VCAN: variants seen among roughly 807,000 people sequenced by gnomAD.
VCAN encodes versican, also known as versican core protein.
A neutral mutation model predicts 245.5 loss-of-function variants in VCAN; 44 were observed. The observed-to-expected ratio is 0.18, with a 90% CI of 0.14 to 0.23. The LOEUF is 0.23. VCAN is among the 10% of genes least tolerant of loss of function. The pLI is 1.00. For synonymous variants in VCAN, 1,413 were observed against 1,437.0 expected (o/e 0.98, Z 0.38); for missense variants, 3,793 against 4,057.9 (o/e 0.93, Z 1.77).
intron 9 of VCAN, among the ~76,000 whole-genome samples, chr5:83,547,279 TA>T (rs1747263650): frequency 6.6e-6 from 1 of 152,206 alleles, no homozygotes; most frequent in African/African-American, 2.4e-5. Context: ...AGAGGGCTGG[TA>T]AAACAGATTG....
At chr5:83,501,477 A>G (rs775131285) in intron 5 of VCAN, among the ~76,000 whole-genome samples, 1 of 152,160 alleles carries the variant, frequency 6.6e-6, no homozygotes, top group Non-Finnish European at 1.5e-5. Flanking sequence ...TAGCTTTTGT[A>G]TATGGTGTGA....
chr5:83,580,341 C>T lies in VCAN; in HGVS notation c.10098C>T (p.Tyr3366=). 1.2e-6 allele frequency: 2 copies of T among 1,613,900 alleles called. No homozygotes were observed. Among genetic ancestry groups the T allele is most frequent in the Non-Finnish European group, 1.7e-6 (2 of 1,179,946 alleles). ...ACCAAAGGACTTATTCTATGAAATACTTTAAAAATTCCTCATCAGCAAAGG... is the reference window on the plus strand; with the variant it reads ...ACCAAAGGACTTATTCTATGAAATATTTTAAAAATTCCTCATCAGCAAAGG... ...SAYQRTYSMK[Y]FKNSSSAKDN... The change falls in exon 15 of 15, where the codon TAC becomes TAT. Residue 3366 remains tyrosine (Y), a synonymous_variant. Coordinates refer to ENST00000265077, the MANE Select transcript of VCAN (RefSeq NM_004385.5).
intron 3 of VCAN, among the ~76,000 whole-genome samples, chr5:83,490,845 T>G (rs1392011799): frequency 6.6e-6 from 1 of 152,236 alleles, no homozygotes; most frequent in African/African-American, 2.4e-5. Context: ...TGTATGCACA[T>G]GTACATACAT....
At chr5:83,536,244 G>T (rs1746700971) in intron 7 of VCAN, 1 of 152,152 alleles carries the variant, frequency 6.6e-6, no homozygotes, top group South Asian at 2.1e-4. Context: ...CACATCCCAG[G>T]AAGGATAAAG....
intron 6 of VCAN, among the ~76,000 whole-genome samples, chr5:83,518,241 TA>T (rs1745932900): frequency 6.6e-6 from 1 of 151,928 alleles, no homozygotes; most frequent in African/African-American, 2.4e-5. Context: ...TACTGATTTT[TA>T]TTTTAAAAAA....
chr5:83,528,678 TAC>T (rs1241701263), intron 7 of VCAN, among the ~76,000 whole-genome samples: 1 of 152,110 alleles, frequency 6.6e-6, no homozygotes, highest in Non-Finnish European at 1.5e-5. Flanking sequence ...GGTTCAGAAT[TAC>T]ACACTTACAA....
chr5:83,515,530 T>C (rs1745815531), intron 6 of VCAN, among the ~76,000 whole-genome samples: 1 of 152,218 alleles, frequency 6.6e-6, no homozygotes, highest in Non-Finnish European at 1.5e-5. Context: ...CTATTGTTGA[T>C]CACAATTGTT....
In VCAN at chr5:83,540,524, A is replaced by G; in HGVS notation, c.7521A>G (p.Ser2507=). Residue 2507 remains serine, a synonymous_variant, in exon 8 of 15, where the codon TCA becomes TCG. Coordinates refer to ENST00000265077, the MANE Select transcript of VCAN (RefSeq NM_004385.5). ...KSSPDPTSTL[S]NTVSYERSTD... ...CCCCTGATCCAACTAGCACACTGTC[A>G]AATACAGTGTCATATGAGAGGTCCA... 1 of 1,614,002 alleles carries G rather than the reference A, an allele frequency of 6.2e-7. No individual in the cohort carries two copies. The highest frequency in any genetic ancestry group is 1.1e-5 in the South Asian group (1 of 91,080).
In VCAN at chr5:83,495,982, C is replaced by A. The variant is rs192152691; in HGVS notation, c.748+2051C>A. Reference sequence around the variant, plus strand: ...GCTCTTAGCTCTCTAAGGCTCTAGACTGCCCAAATTCAAAATTATTTTTTC... The same window carrying A: ...GCTCTTAGCTCTCTAAGGCTCTAGAATGCCCAAATTCAAAATTATTTTTTC... On this transcript the variant is annotated intron_variant, in intron 5 of 14. Coordinates refer to ENST00000265077, the MANE Select transcript of VCAN (RefSeq NM_004385.5). Among the ~76,000 whole-genome samples, 440 of 152,282 alleles carry A rather than the reference C, an allele frequency of 2.9e-3. 2 individuals carry two copies. Among genetic ancestry groups the A allele is most frequent in the Non-Finnish European group, 4.4e-3 (299 of 68,024 alleles).
chr5:83,540,888 C>A lies in VCAN; in HGVS notation c.7885C>A (p.Leu2629Ile), dbSNP rs531546493. The A allele has an allele frequency of 1.3e-4, 209 of 1,613,910 alleles. 4 individuals carry two copies. In the South Asian group the frequency reaches 2.2e-3, roughly 17 times the overall value. Residue 2629 changes from leucine (L) to isoleucine (I), a missense_variant, in exon 8 of 15, where the codon CTT becomes ATT. Physicochemically the swap from Leu to Ile is conservative, Grantham distance 5. This residue lies in a region of VCAN where 3,182 missense variants were observed against 3,250.3 expected (regional missense o/e 0.98). Transcript: ENST00000265077. ...VQEIYEAAVN[L>I]SLTEETFEGS... ...AGAGATCTATGAGGCAGCTGTCAAC[C>A]TTTCTTTAACTGAGGAAACATTTGA...
chr5:83,513,008 TA>T (rs1745714992), intron 6 of VCAN: 1 of 152,478 alleles, frequency 6.6e-6, no homozygotes, highest in African/African-American at 2.4e-5. Flanking sequence ...TTGCAACCTA[TA>T]ACAGAGTATC....
At chr5:83,526,218 A>G (rs160184) in intron 7 of VCAN, among the ~76,000 whole-genome samples, 99,522 of 152,094 alleles carry the variant, frequency 0.65, 34,962 homozygotes, top group African/African-American at 0.91. Context: ...GATTACAGGC[A>G]TGAGCCACTG....
At chr5:83,472,995 C>G (rs1019706928) in intron 1 of VCAN, among the ~76,000 whole-genome samples, 4 of 152,232 alleles carry the variant, frequency 2.6e-5, no homozygotes, top group Admixed American at 6.5e-5. Context: ...TCAGTCCTCT[C>G]GCCCAGACTA....
intron 7 of VCAN, among the ~76,000 whole-genome samples, chr5:83,531,024 T>G (rs1746500189): frequency 6.6e-6 from 1 of 151,918 alleles, no homozygotes; most frequent in South Asian, 2.1e-4. Context: ...TTAAAAAGAG[T>G]GATTTGATCC....
rs779053238 is a variant in VCAN, at chr5:83,538,261, C to A, written c.5258C>A (p.Pro1753His). ...CAGAGATCGGATCAATTAATTTTAC[C>A]CTTTGAATTAGAAAGTCCAAATGTA... ...STQRSDQLIL[P>H]FELESPNVAT... The change falls in exon 8 of 15, where the codon CCC becomes CAC. Residue 1753 changes from proline to histidine, a missense_variant. Pro to His is a moderately conservative substitution (Grantham distance 77, BLOSUM62 -2). Around this residue, in one of 5 missense-constraint regions of VCAN, gnomAD observed 3,182 missense variants for 3,250.3 expected, o/e 0.98. Transcript: ENST00000265077. 5 of 1,613,896 alleles carry A rather than the reference C, an allele frequency of 3.1e-6. No individual in the cohort carries two copies. Among genetic ancestry groups the A allele is most frequent in the South Asian group, 2.2e-5 (2 of 91,062 alleles).
rs144875001 is a variant in VCAN at position 83,520,103 on chromosome 5, A to G, written c.1797A>G (p.Ser599=). ...TIHTHLEDLE[S]VSASTTVSPL... Reference sequence around the variant, plus strand: ...ACACTCATTTAGAAGACTTGGAGTCAGTCTCAGCATCCACAACTGTTTCCC... The same window carrying G: ...ACACTCATTTAGAAGACTTGGAGTCGGTCTCAGCATCCACAACTGTTTCCC... The change falls in exon 7 of 15, where the codon TCA becomes TCG. Residue 599 remains serine (S), a synonymous_variant. Coordinates refer to ENST00000265077, the MANE Select transcript of VCAN (RefSeq NM_004385.5). 3 of 1,613,988 alleles carry G rather than the reference A, an allele frequency of 1.9e-6. No homozygotes were observed. The African/African-American group carries it at 4.0e-5, about 22-fold the overall frequency.
At chr5:83,483,959 A>G (rs1480612664) in intron 2 of VCAN, among the ~76,000 whole-genome samples, 1 of 152,234 alleles carries the variant, frequency 6.6e-6, no homozygotes, top group Non-Finnish European at 1.5e-5. Context: ...ATTTGAAAAG[A>G]ATTGAGAAGA....
Position 83,493,902 on chromosome 5 carries a change from A to T in VCAN, c.719A>T (p.Asp240Val). The T allele has an allele frequency of 6.2e-7, 1 of 1,614,132 alleles. No individual in the cohort carries two copies. The highest frequency in any genetic ancestry group is 8.5e-7 in the Non-Finnish European group (1 of 1,180,002). Residue 240 changes from aspartate to valine, a missense_variant, in exon 5 of 15, where the codon GAT becomes GTT. Asp to Val is a radical substitution (Grantham distance 152). Coordinates refer to ENST00000265077, the MANE Select transcript of VCAN (RefSeq NM_004385.5). ...YGFRSPQETY[D>V]VYCYVDHLDG... ...TTCCGTTCTCCCCAGGAAACTTACG[A>T]TGTGTATTGTTATGTGGATCATCTG...
rs1213051412 is a variant in VCAN, at chr5:83,580,848, A to G, written c.*414A>G. 7.1e-6 allele frequency: 2 copies of G among 281,894 alleles called. No individual in the cohort carries two copies. Among genetic ancestry groups the G allele is most frequent in the Admixed American group, 4.9e-5 (1 of 20,528 alleles). The allele number at this position is 281,894 out of a possible 1,614,324, so 17.5% of individuals were successfully genotyped here. A position where few individuals can be genotyped will look rare whatever the true frequency, so the allele number is the denominator to read the frequency against. On this transcript the variant is annotated 3_prime_UTR_variant, in exon 15 of 15. Coordinates refer to ENST00000265077, the MANE Select transcript of VCAN (RefSeq NM_004385.5). ...ACAATGAGTTTGGGCATATTTAATG[A>G]TGATTATGGAGCCTTAGAGGTCTTT...
Sources: allele counts gnomAD v4.1 joint callset (sites outside exome capture counted in the v4.1 genomes callset), GRCh38; gene constraint gnomAD v4.1.1; regional missense constraint gnomAD v4.1.1; transcripts MANE v1.5; gene names NCBI Gene and HGNC (gene_info 2026-07-23, HGNC 2026-07-21).